KIF1B: variants seen among roughly 807,000 people sequenced by gnomAD.
KIF1B encodes the protein kinesin-like protein KIF1B.
In KIF1B, 76 loss-of-function variants were observed where a neutral mutation model predicts 241.9. The ratio of observed to expected loss-of-function variants is 0.31; its 90% CI spans 0.26 to 0.38. The LOEUF (loss-of-function observed/expected upper bound fraction) is 0.38. Among genes scored for constraint, KIF1B ranks in the 10% least tolerant of loss-of-function variants. The pLI is 1.00. For synonymous variants in KIF1B, 750 were observed against 796.7 expected, an observed-to-expected ratio of 0.94 and a Z score of 0.99; for missense variants, 1,622 against 2,271.4, an observed-to-expected ratio of 0.71 and a Z score of 5.81.
chr1:10,286,320 A>C (rs1649713780), intron 15 of KIF1B, among the ~76,000 whole-genome samples: 1 of 152,212 alleles, frequency 6.6e-6, no homozygotes, highest in African/African-American at 2.4e-5. Context: ...GATTACAAGC[A>C]TGAGCCACCA....
At chr1:10,301,091 G>A (rs1370300518) in intron 22 of KIF1B, among the ~76,000 whole-genome samples, 1 of 151,922 alleles carries the variant, frequency 6.6e-6, no homozygotes, top group Non-Finnish European at 1.5e-5. Context: ...TCCCGGCTAA[G>A]GCAGGAAGAT....
rs372334990 is a variant in KIF1B at position 10,336,283 on chromosome 1, G to A, written c.3044-374G>A. Among the ~76,000 whole-genome samples, 14 of 152,242 alleles carry A rather than the reference G, an allele frequency of 9.2e-5. No homozygotes were observed. The East Asian group carries it at 2.3e-3, about 25-fold the overall frequency. On this transcript the variant is annotated intron_variant, in intron 28 of 48. Coordinates refer to ENST00000676179, the MANE Select transcript of KIF1B (RefSeq NM_001365951.3). ...CCTGCCTCAGCCTCCTGAGTAGCTG[G>A]GATTACAGGTGCCCGCCACCACGCC...
At chr1:10,269,409 G>A (rs897110655) in intron 7 of KIF1B, among the ~76,000 whole-genome samples, 2 of 151,924 alleles carry the variant, frequency 1.3e-5, no homozygotes, top group African/African-American at 4.8e-5. Context: ...CAGCTGCTCA[G>A]GAGGCTGAGG....
At position 10,343,280 on chromosome 1, in the gene KIF1B, C is replaced by T. The variant is rs991919721; in HGVS notation, c.3681C>T (p.Ser1227=). 3 of 1,614,000 alleles carry T rather than the reference C, an allele frequency of 1.9e-6. No homozygotes were observed. Among genetic ancestry groups the T allele is most frequent in the African/African-American group, 1.3e-5 (1 of 74,920 alleles). Residue 1227 remains serine (S), a synonymous_variant, in exon 34 of 49, where the codon TCC becomes TCT. Coordinates refer to ENST00000676179, the MANE Select transcript of KIF1B (RefSeq NM_001365951.3). ...TCTTCCCTCCACCCATGCCACTGTC[C>T]AAGCCAGGTGAGCACTCGCTCCGCT... The part of the protein sequence containing the change: ...RRFFPPPMPL[S]KPVPATKLNT...
At chr1:10,213,761 A>G (rs571357012) in intron 1 of KIF1B, among the ~76,000 whole-genome samples, 1 of 152,300 alleles carries the variant, frequency 6.6e-6, no homozygotes. Flanking sequence ...ATAAATATGC[A>G]TACTTCTTGA....
rs70998362 is a variant in KIF1B, at chr1:10,216,957, C to CTTTTTTTTTTTTT, written c.-80+6101_-80+6113dup. Among the ~76,000 whole-genome samples the CTTTTTTTTTTTTT allele has an allele frequency of 9.2e-5, 5 of 54,522 alleles. No homozygotes were observed. In the East Asian group the frequency reaches 2.6e-3, roughly 28 times the overall value. 35.8% of individuals were successfully genotyped at this position (54,522 alleles called of 152,430 possible). A position where few individuals can be genotyped will look rare whatever the true frequency, so the allele number is the denominator to read the frequency against. On this transcript the variant is annotated intron_variant, in intron 1 of 48. Coordinates refer to ENST00000676179, the MANE Select transcript of KIF1B (RefSeq NM_001365951.3). ...TTTCCCTGCAGTACTTGCCCATTTTCTTTTTTTTTTTTTTTTTTTTTTTTT... is the reference window on the plus strand; with the variant it reads ...TTTCCCTGCAGTACTTGCCCATTTTCTTTTTTTTTTTTTTTTTTTTTTTTTTTTTTTTTTTTTT...
At position 10,307,750 on chromosome 1, in the gene KIF1B, T is replaced by G. The variant is rs368966853; in HGVS notation, c.2115+10504T>G. 5 of 1,033,976 alleles carry G rather than the reference T, an allele frequency of 4.8e-6. No homozygotes were observed. The African/African-American group carries it at 6.7e-5, about 14-fold the overall frequency. 64.1% of individuals were successfully genotyped at this position (1,033,976 alleles called of 1,614,324 possible). A position where few individuals can be genotyped will look rare whatever the true frequency, so the allele number is the denominator to read the frequency against. On this transcript the variant is annotated intron_variant, in intron 22 of 48. Coordinates refer to ENST00000676179, the MANE Select transcript of KIF1B (RefSeq NM_001365951.3). ...CAAAGTGGGAAAAAAGTGTTTATTC[T>G]ATTGAAGTTATGTAATGATCCGACA...
chr1:10,347,641 A>T, intron 35 of KIF1B, 120 bp from the exon 36 acceptor site: 1 of 803,616 alleles, frequency 1.2e-6, no homozygotes, highest in Non-Finnish European at 2.2e-6. Flanking sequence ...CTGTATGATT[A>T]AATGCCAGCA....
chr1:10,218,730 G>A (rs528568544), intron 1 of KIF1B, among the ~76,000 whole-genome samples: 28 of 152,188 alleles, frequency 1.8e-4, no homozygotes, highest in Admixed American at 1.6e-3. Flanking sequence ...CGATCTTTAT[G>A]TAACTTTTAA....
chr1:10,342,417 G>A (rs913951545), intron 33 of KIF1B, among the ~76,000 whole-genome samples: 1 of 152,104 alleles, frequency 6.6e-6, no homozygotes, highest in Non-Finnish European at 1.5e-5. Flanking sequence ...TTTGAATATG[G>A]TAGAAATTTG....
At chr1:10,341,896 G>A (rs764684389) in intron 32 of KIF1B, among the ~76,000 whole-genome samples, 154 bp from the exon 33 acceptor site, 16 of 151,720 alleles carry the variant, frequency 1.1e-4, no homozygotes, top group Non-Finnish European at 2.1e-4. Flanking sequence ...GCTTGAGCCC[G>A]GGAGGGTGAG....
rs1485060259 is a variant in KIF1B at position 10,296,996 on chromosome 1, C to T, written c.1961C>T (p.Ser654Phe). The T allele has an allele frequency of 1.2e-6, 2 of 1,614,008 alleles. No individual in the cohort carries two copies. The highest frequency in any genetic ancestry group is 1.7e-6 in the Non-Finnish European group (2 of 1,180,020). Residue 654 changes from serine to phenylalanine, a missense_variant, in exon 21 of 49, where the codon TCT (serine) becomes TTT (phenylalanine). Coordinates refer to ENST00000676179, the MANE Select transcript of KIF1B (RefSeq NM_001365951.3). ...AAGACTCCTTCTGCTGAGACCCCCT[C>T]TGAGCCTGTGGACTGGACATTTGCC... is the stretch of plus-strand genomic sequence containing the variant. ...REKTPSAETP[S>F]EPVDWTFAQR...
rs768340319 is a variant in KIF1B at position 10,334,554 on chromosome 1, G to A, written c.2959G>A (p.Val987Met). ...TTACCTGAGCAATCTGCTGTATCCC[G>A]TGCCCCTGATCCACAGGGTGGCCAT... ...FVYLSNLLYP[V>M]PLIHRVAIVS... Residue 987 changes from valine (V) to methionine (M), a missense_variant, in exon 28 of 49, where the codon GTG becomes ATG. Physicochemically the swap from Val to Met is conservative, Grantham distance 21. Coordinates refer to ENST00000676179, the MANE Select transcript of KIF1B (RefSeq NM_001365951.3). The A allele has an allele frequency of 1.8e-5, 29 of 1,613,842 alleles. No individual in the cohort carries two copies. The highest frequency in any genetic ancestry group is 2.2e-5 in the Non-Finnish European group (26 of 1,179,888).
intron 22 of KIF1B, 67 bp downstream of exon 22, chr1:10,297,313 A>C: frequency 7.3e-7 from 1 of 1,366,350 alleles, no homozygotes; most frequent in Non-Finnish European, 1.0e-6. Context: ...TCCCTGTTCC[A>C]CAGAGCAGTA....
At chr1:10,342,730 C>G (rs1189492434) in intron 33 of KIF1B, among the ~76,000 whole-genome samples, 1 of 152,140 alleles carries the variant, frequency 6.6e-6, no homozygotes, top group Admixed American at 6.5e-5. Flanking sequence ...TTAAAACATG[C>G]TATTGATACC....
At chr1:10,317,127 C>T (rs1651336002) in intron 22 of KIF1B, among the ~76,000 whole-genome samples, 3 of 151,566 alleles carry the variant, frequency 2.0e-5, no homozygotes, top group Admixed American at 2.0e-4. Context: ...GGACCCCAAA[C>T]CCAAGCCTCT....
rs180843571 is a variant in KIF1B at position 10,314,617 on chromosome 1, A to G, written c.2116-5426A>G. On this transcript the variant is annotated intron_variant, in intron 22 of 48. Coordinates refer to ENST00000676179, the MANE Select transcript of KIF1B (RefSeq NM_001365951.3). ...GTGTTTTTAGCAGAAACAGGGTCTC[A>G]CTATGTTGCCCGGACTGGTCTCAAA... Among the ~76,000 whole-genome samples, 234 of 151,278 alleles carry G rather than the reference A, an allele frequency of 1.5e-3. 12 individuals carry two copies. Among genetic ancestry groups the G allele is most frequent in the African/African-American group, 5.4e-3 (219 of 40,734 alleles).
intron 37 of KIF1B, 64 bp downstream of exon 37, chr1:10,348,797 A>G: frequency 4.2e-6 from 5 of 1,191,402 alleles, no homozygotes; most frequent in Non-Finnish European, 6.2e-6. Context: ...TTTTTTTGAG[A>G]TAGGGTCTTG....
At chr1:10,261,805 G>A in intron 4 of KIF1B, 100 bp from the exon 5 acceptor site, 1 of 781,798 alleles carries the variant, frequency 1.3e-6, no homozygotes, top group South Asian at 1.4e-5. Flanking sequence ...TTTTGAGATG[G>A]AGCAAGAAAG....
Sources: gnomAD v4.1 joint callset for allele counts (sites outside exome capture counted in the v4.1 genomes callset) on GRCh38, gnomAD v4.1.1 for gene constraint, MANE v1.5 for transcripts, NCBI Gene and HGNC (gene_info 2026-07-23, HGNC 2026-07-21) for gene names.